Variants in PAFAH2 observed in about 807,000 individuals in gnomAD.
PAFAH2 encodes the protein platelet-activating factor acetylhydrolase 2, cytoplasmic.
PAFAH2 carries 42 observed loss-of-function variants against 49.0 expected under a neutral mutation model. That is an observed-to-expected ratio of 0.86 (90% confidence interval 0.67 to 1.11). The LOEUF is 1.11. PAFAH2 is among the 50% of genes least tolerant of loss of function. The probability of loss-of-function intolerance (pLI) is 0.00; values close to 1 mark genes in which losing one functional copy is unlikely to be tolerated. For synonymous variants in PAFAH2, 184 were observed against 181.3 expected, an observed-to-expected ratio of 1.01 and a Z score of -0.12; for missense variants, 503 against 501.8, an observed-to-expected ratio of 1.00 and a Z score of -0.02.
Position 25,974,609 on chromosome 1 carries a change from C to T in PAFAH2, c.800G>A (p.Arg267His), listed in dbSNP as rs1242425117. The stretch of plus-strand genomic sequence containing the variant: ...TCCTCGGGCCTTGGGGTAAAAGTCA[C>T]GTTCCAGAGGAAACATCCAAGCATC... ...ALDAWMFPLE[R>H]DFYPKARGPV... The change falls in exon 9 of 11, where the codon CGT becomes CAT. Residue 267 changes from arginine (R) to histidine (H), a missense_variant. By Grantham distance (29) the Arg-to-His change is conservative. Transcript: ENST00000374282. The T allele has an allele frequency of 9.9e-6, 16 of 1,613,972 alleles. No individual in the cohort carries two copies. Among genetic ancestry groups the T allele is most frequent in the South Asian group, 3.3e-5 (3 of 91,078 alleles).
Position 25,963,708 on chromosome 1 carries a change from G to A in PAFAH2, c.1085-1625C>T, listed in dbSNP as rs746524246. ...AGTAGAGACGAGGTTTCACCATGTC[G>A]GCCAGGACGGTCTCGATCTCTTGAC... On this transcript the variant is annotated intron_variant, in intron 10 of 10. Coordinates refer to ENST00000374282, the MANE Select transcript of PAFAH2 (RefSeq NM_000437.4). Among the ~76,000 whole-genome samples the A allele has an allele frequency of 1.1e-4, 16 of 152,138 alleles. 1 individual carries two copies. The highest frequency in any genetic ancestry group is 1.7e-4 in the African/African-American group (7 of 41,446).
chr1:25,971,505 G>C (rs964192812), intron 10 of PAFAH2, among the ~76,000 whole-genome samples: 1 of 152,028 alleles, frequency 6.6e-6, no homozygotes, highest in African/African-American at 2.4e-5. Context: ...CTATCAGTGA[G>C]AGAAAAACCA....
intron 7 of PAFAH2, among the ~76,000 whole-genome samples, chr1:25,978,336 G>T (rs1319433329): frequency 3.9e-5 from 6 of 152,052 alleles, no homozygotes; most frequent in Admixed American, 3.3e-4. Context: ...TTTCTTATGT[G>T]CCCCTAAGGA....
intron 2 of PAFAH2, 90 bp downstream of exon 2, chr1:25,990,637 C>A (rs1211086517): frequency 9.4e-7 from 1 of 1,064,672 alleles, no homozygotes; most frequent in Admixed American, 1.9e-5. Flanking sequence ...TTTTCCCCAC[C>A]GTGGGAATAC....
At chr1:25,988,527 A>G (rs1297687408) in intron 3 of PAFAH2, among the ~76,000 whole-genome samples, 200 bp from the exon 4 acceptor site, 1 of 152,030 alleles carries the variant, frequency 6.6e-6, no homozygotes, top group Non-Finnish European at 1.5e-5. Context: ...AGAAAATGGG[A>G]AGCTAAGCCA....
At position 25,960,043 on chromosome 1, in the gene PAFAH2, G is replaced by A. The variant is rs2049316737; in HGVS notation, c.*1946C>T. 6.6e-6 allele frequency: 1 copy of A among 152,194 alleles called. No homozygotes were observed. Among genetic ancestry groups the A allele is most frequent in the African/African-American group, 2.4e-5 (1 of 41,466 alleles). The allele number at this position is 152,194 out of a possible 1,614,324, so 9.4% of individuals were successfully genotyped here. A position where few individuals can be genotyped will look rare whatever the true frequency, so the allele number is the denominator to read the frequency against. ...GCAGACCCTCATTTTAGAAACGCAG[G>A]AGCTGAGATAAGAAAGAGAATACCA... On this transcript the variant is annotated 3_prime_UTR_variant, in exon 11 of 11. Coordinates refer to ENST00000374282, the MANE Select transcript of PAFAH2 (RefSeq NM_000437.4).
intron 2 of PAFAH2, 96 bp from the exon 3 acceptor site, chr1:25,989,697 A>G: frequency 9.8e-7 from 1 of 1,015,978 alleles, no homozygotes; most frequent in Non-Finnish European, 1.3e-6. Context: ...CCAGCAAAAC[A>G]GGGCACCAAA....
intron 5 of PAFAH2, 94 bp downstream of exon 5, chr1:25,984,366 G>T: frequency 1.0e-6 from 1 of 958,924 alleles, no homozygotes; most frequent in Non-Finnish European, 1.6e-6. Flanking sequence ...GGCTTGCACG[G>T]TTGTCGAGAG....
intron 1 of PAFAH2, among the ~76,000 whole-genome samples, chr1:25,991,563 T>G (rs529112637): frequency 6.8e-6 from 1 of 145,986 alleles, no homozygotes; most frequent in East Asian, 2.3e-4. Context: ...ATTACAGGCG[T>G]GAGCCACCGC....
chr1:25,966,365 C>A (rs1483121804), intron 10 of PAFAH2, among the ~76,000 whole-genome samples: 1 of 152,108 alleles, frequency 6.6e-6, no homozygotes, highest in Non-Finnish European at 1.5e-5. Flanking sequence ...ATGGAATCAC[C>A]CTAAGTGCCC....
chr1:25,962,130 T>C (rs1461794218), intron 10 of PAFAH2, 47 bp from the exon 11 acceptor site: 1 of 1,503,482 alleles, frequency 6.7e-7, no homozygotes, highest in East Asian at 2.3e-5. Context: ...TTGTGAGGTT[T>C]GGTCAAAGAG....
chr1:25,986,325 C>A (rs1187029402), intron 4 of PAFAH2, among the ~76,000 whole-genome samples: 1 of 152,084 alleles, frequency 6.6e-6, no homozygotes, highest in Non-Finnish European at 1.5e-5. Context: ...GTGAATAGTC[C>A]AGGCAAAAAG....
Position 25,961,320 on chromosome 1 carries a change from C to G in PAFAH2, c.*669G>C, listed in dbSNP as rs920007732. 1 of 152,216 alleles carries G rather than the reference C, an allele frequency of 6.6e-6. No individual in the cohort carries two copies. Among genetic ancestry groups the G allele is most frequent in the Non-Finnish European group, 1.5e-5 (1 of 68,042 alleles). 9.4% of individuals were successfully genotyped at this position (152,216 alleles called of 1,614,324 possible). On this transcript the variant is annotated 3_prime_UTR_variant, in exon 11 of 11. Transcript: ENST00000374282. ...GACATCCAGAGCTTCTGAGGTACCT[C>G]TGTGTACCTCAGTTTTTCTCCCTGT...
In PAFAH2 at chr1:25,959,887, G is replaced by A. The variant is rs1373430110; in HGVS notation, c.*2102C>T. On this transcript the variant is annotated 3_prime_UTR_variant, in exon 11 of 11. Transcript: ENST00000374282. ...GGAAACCATATGGGTCATTTTCTCT[G>A]ACCACAAAGCAATCAAGCTAGAAAA... 6.6e-6 allele frequency: 1 copy of A among 152,120 alleles called. No homozygotes were observed. Among genetic ancestry groups the A allele is most frequent in the African/African-American group, 2.4e-5 (1 of 41,428 alleles). 9.4% of individuals were successfully genotyped at this position (152,120 alleles called of 1,614,324 possible). A position where few individuals can be genotyped will look rare whatever the true frequency, so the allele number is the denominator to read the frequency against.
intron 4 of PAFAH2, among the ~76,000 whole-genome samples, chr1:25,985,843 G>A (rs529198187): frequency 6.6e-5 from 10 of 152,316 alleles, no homozygotes; most frequent in Admixed American, 4.6e-4. Flanking sequence ...TAGCAGATGC[G>A]ATTTCCTCGA....
At chr1:25,962,156 G>T in intron 10 of PAFAH2, 73 bp from the exon 11 acceptor site, 1 of 1,250,068 alleles carries the variant, frequency 8.0e-7, no homozygotes, top group Non-Finnish European at 1.2e-6. Context: ...GACATGCATT[G>T]AAGGGGTCAT....
chr1:25,965,747 G>A (rs2049410014), intron 10 of PAFAH2, among the ~76,000 whole-genome samples: 1 of 147,700 alleles, frequency 6.8e-6, no homozygotes, highest in Non-Finnish European at 1.5e-5. Flanking sequence ...GAACCTGGGG[G>A]GCAGAGGTCA....
rs904727774 is a variant in PAFAH2 at position 25,984,402 on chromosome 1, G to T, written c.410+58C>A. 6.5e-6 allele frequency: 8 copies of T among 1,236,450 alleles called. No homozygotes were observed. The African/African-American group carries it at 1.0e-4, about 16-fold the overall frequency. The allele number at this position is 1,236,450 out of a possible 1,614,324, so 76.6% of individuals were successfully genotyped here. ...GGTTAGAAATAGTACATTGATAGGG[G>T]ACTAGCCTATATCCTAGCTCACTGC... On this transcript the variant is annotated intron_variant, in intron 5 of 10. Coordinates refer to ENST00000374282, the MANE Select transcript of PAFAH2 (RefSeq NM_000437.4).
intron 9 of PAFAH2, 129 bp from the exon 10 acceptor site, chr1:25,972,841 G>T: frequency 1.1e-6 from 1 of 922,474 alleles, no homozygotes; most frequent in Non-Finnish European, 1.7e-6. Flanking sequence ...ACCTTGTAAG[G>T]GAAGTATTTT....
Sources: allele counts gnomAD v4.1 joint callset (sites outside exome capture counted in the v4.1 genomes callset), GRCh38; gene constraint gnomAD v4.1.1; transcripts MANE v1.5; gene names NCBI Gene and HGNC (gene_info 2026-07-23, HGNC 2026-07-21).